PDE4D: variants seen among roughly 807,000 people sequenced by gnomAD.
PDE4D encodes the protein 3',5'-cyclic-AMP phosphodiesterase 4D.
Under a neutral mutation model 87.4 loss-of-function variants are expected in PDE4D, and 24 were observed. The ratio of observed to expected loss-of-function variants is 0.27; its 90% CI spans 0.20 to 0.39. The LOEUF (loss-of-function observed/expected upper bound fraction) is 0.39. Ranked by LOEUF, PDE4D falls within the 10% of genes least tolerant of loss-of-function variation. The pLI is 1.00. For missense variants in PDE4D, 714 were observed against 1,041.0 expected (o/e 0.69, Z 4.32); for synonymous variants, 384 against 383.2 (o/e 1.00, Z -0.02).
chr5:60,359,257 A>C (rs1220061978), intron 1 of PDE4D, among the ~76,000 whole-genome samples: 2 of 152,046 alleles, frequency 1.3e-5, no homozygotes, highest in Non-Finnish European at 2.9e-5. Flanking sequence ...AAACACAAAA[A>C]ATTGGCCGGG....
At chr5:60,454,178 T>C (rs1746293790) in intron 1 of PDE4D, among the ~76,000 whole-genome samples, 1 of 152,136 alleles carries the variant, frequency 6.6e-6, no homozygotes, top group Non-Finnish European at 1.5e-5. Context: ...ACTTCGGACT[T>C]CACACTTAGA....
intron 5 of PDE4D, among the ~76,000 whole-genome samples, chr5:59,058,252 T>C (rs937197493): frequency 6.6e-6 from 1 of 152,168 alleles, no homozygotes; most frequent in Non-Finnish European, 1.5e-5. Context: ...AATATGAATA[T>C]GGTTGAGGGA....
At chr5:58,986,407 G>T (rs978379785) in intron 11 of PDE4D, among the ~76,000 whole-genome samples, 9 of 152,146 alleles carry the variant, frequency 5.9e-5, no homozygotes, top group African/African-American at 2.2e-4. Flanking sequence ...TAAAGCAGGG[G>T]TCCCCGATCC....
intron 5 of PDE4D, among the ~76,000 whole-genome samples, chr5:59,115,288 G>T (rs140760069): frequency 1.3e-5 from 2 of 152,140 alleles, no homozygotes; most frequent in Admixed American, 6.5e-5. Context: ...GACAGGATGC[G>T]CTCAGTGTTT....
intron 1 of PDE4D, among the ~76,000 whole-genome samples, chr5:60,314,057 C>T (rs1755296878): frequency 6.6e-6 from 1 of 152,142 alleles, no homozygotes; most frequent in Non-Finnish European, 1.5e-5. Context: ...ATCACTACTA[C>T]TCTATTCAAC....
Position 59,498,797 on chromosome 5 carries a change from T to C in PDE4D, c.456-282829A>G, listed in dbSNP as rs78925309. On this transcript the variant is annotated intron_variant, in intron 1 of 14. Coordinates refer to ENST00000340635, the MANE Select transcript of PDE4D (RefSeq NM_001104631.2). ...TTTATAAAATAATTGCTTATAGACC[T>C]ATGAAAAGACTTTCATGGCCACCCA... is the stretch of plus-strand genomic sequence containing the variant. Among the ~76,000 whole-genome samples, 371 of 152,222 alleles carry C rather than the reference T, an allele frequency of 2.4e-3. 16 individuals carry two copies. In the East Asian group the frequency reaches 0.066, roughly 27 times the overall value.
chr5:60,245,717 T>C (rs1052145940), intron 1 of PDE4D, among the ~76,000 whole-genome samples: 5 of 151,836 alleles, frequency 3.3e-5, no homozygotes, highest in African/African-American at 1.2e-4. Context: ...TTGTGGGAGC[T>C]AAAAATTAAA....
At chr5:59,276,684 A>T (rs1464650283) in intron 1 of PDE4D, among the ~76,000 whole-genome samples, 3 of 152,002 alleles carry the variant, frequency 2.0e-5, no homozygotes, top group Non-Finnish European at 4.4e-5. Context: ...CCCTTGCACA[A>T]TGTTTTCTAA....
At chr5:60,039,372 G>A (rs1017474529) in intron 2 of PDE4D, among the ~76,000 whole-genome samples, 19 of 150,378 alleles carry the variant, frequency 1.3e-4, no homozygotes, top group Admixed American at 1.2e-3. Flanking sequence ...ACTCATAGGT[G>A]GGAATTGAAC....
intron 1 of PDE4D, among the ~76,000 whole-genome samples, chr5:59,634,208 C>T (rs1457490525): frequency 6.6e-6 from 1 of 152,116 alleles, no homozygotes; most frequent in Non-Finnish European, 1.5e-5. Context: ...TATATGCACC[C>T]AATACAAGAG....
At chr5:59,309,252 C>T (rs1009560981) in intron 1 of PDE4D, among the ~76,000 whole-genome samples, 2 of 152,104 alleles carry the variant, frequency 1.3e-5, no homozygotes, top group African/African-American at 4.8e-5. Context: ...TGTGCCCTCC[C>T]CTGAGTTCTG....
chr5:59,252,388 A>G (rs1248125315), intron 1 of PDE4D, among the ~76,000 whole-genome samples: 1 of 152,140 alleles, frequency 6.6e-6, no homozygotes, highest in Non-Finnish European at 1.5e-5. Context: ...GCTCTGCAAC[A>G]GTGTGCAGGT....
intron 1 of PDE4D, among the ~76,000 whole-genome samples, chr5:59,809,453 G>T (rs1383594707): frequency 6.6e-6 from 1 of 152,086 alleles, no homozygotes; most frequent in East Asian, 1.9e-4. Flanking sequence ...TCCCAATAAA[G>T]AAGAAAATCA....
chr5:59,682,081 C>T (rs1203505479), intron 1 of PDE4D, among the ~76,000 whole-genome samples: 1 of 151,912 alleles, frequency 6.6e-6, no homozygotes, highest in East Asian at 1.9e-4. Flanking sequence ...ATAAATTACC[C>T]AGTTTGTGGT....
At chr5:58,976,742 C>T (rs1243476620) in intron 12 of PDE4D, among the ~76,000 whole-genome samples, 3 of 152,170 alleles carry the variant, frequency 2.0e-5, no homozygotes, top group Admixed American at 1.3e-4. Flanking sequence ...ATGGATAAGA[C>T]ATCATCACAA....
chr5:59,760,308 T>C (rs1047910677), intron 1 of PDE4D, among the ~76,000 whole-genome samples: 1 of 152,210 alleles, frequency 6.6e-6, no homozygotes, highest in African/African-American at 2.4e-5. Flanking sequence ...ATTTAAGATT[T>C]ATTAAAAGTC....
intron 1 of PDE4D, among the ~76,000 whole-genome samples, chr5:59,632,983 C>T (rs993189468): frequency 2.0e-5 from 3 of 152,076 alleles, no homozygotes; most frequent in Non-Finnish European, 4.4e-5. Flanking sequence ...AAGCTAAGAA[C>T]ATTGATAAAA....
intron 1 of PDE4D, among the ~76,000 whole-genome samples, chr5:60,477,832 G>A (rs1454851902): frequency 6.6e-6 from 1 of 152,156 alleles, no homozygotes; most frequent in East Asian, 1.9e-4. Context: ...AGAGACATGG[G>A]AAGGAGCATT....
At chr5:59,207,027 T>TA (rs1379353423) in intron 2 of PDE4D, among the ~76,000 whole-genome samples, 3 of 151,490 alleles carry the variant, frequency 2.0e-5, no homozygotes, top group South Asian at 2.1e-4. Context: ...TGCTAAAAAT[T>TA]AAAAAAAATT....
Sources: allele counts gnomAD v4.1 joint callset (sites outside exome capture counted in the v4.1 genomes callset), GRCh38; gene constraint gnomAD v4.1.1; transcripts MANE v1.5; gene names NCBI Gene and HGNC (gene_info 2026-07-23, HGNC 2026-07-21).